The following CDC123 variants were observed in gnomAD, a reference collection of about 807,000 sequenced individuals.
CDC123 encodes translation initiation factor eIF2 assembly protein.
Under a neutral mutation model 54.4 loss-of-function variants are expected in CDC123, and 37 were observed. The ratio of observed to expected loss-of-function variants is 0.68; its 90% confidence interval spans 0.52 to 0.89. The LOEUF (loss-of-function observed/expected upper bound fraction) is 0.89, where lower values mean the gene tolerates loss of function less well. Ranked by LOEUF, CDC123 falls within the 40% of genes least tolerant of loss-of-function variation. CDC123 has a pLI of 0.00. For missense variants in CDC123, 361 were observed against 412.1 expected (o/e 0.88, Z 1.07); for synonymous variants, 144 against 136.8 (o/e 1.05, Z -0.37).
chr10:12,241,601 A>G (rs1836058245), intron 10 of CDC123, among the ~76,000 whole-genome samples: 1 of 152,176 alleles, frequency 6.6e-6, no homozygotes, highest in South Asian at 2.1e-4. Flanking sequence ...TGTTGCGTTT[A>G]CAGACTCTCA....
chr10:12,242,715 G>T lies in CDC123; in HGVS notation c.718-3434G>T, dbSNP rs184473492. On this transcript the variant is annotated intron_variant, in intron 10 of 12. Coordinates refer to ENST00000281141, the MANE Select transcript of CDC123 (RefSeq NM_006023.3). Reference sequence around the variant, plus strand: ...TCAGCACTTTAGGAGGCTGAGGCAGGCAGGTCACCTGAGATCAGGAGCTCA... The same window carrying T: ...TCAGCACTTTAGGAGGCTGAGGCAGTCAGGTCACCTGAGATCAGGAGCTCA... 3.1e-3 allele frequency among the ~76,000 whole-genome samples: 471 copies of T among 152,312 alleles called. 1 individual carries two copies. Among genetic ancestry groups the T allele is most frequent in the Non-Finnish European group, 4.6e-3 (313 of 68,030 alleles).
chr10:12,221,150 T>A (rs1269590806), intron 6 of CDC123, among the ~76,000 whole-genome samples: 18 of 150,650 alleles, frequency 1.2e-4, no homozygotes, highest in Non-Finnish European at 2.1e-4. Context: ...AAAAAAAAAA[T>A]GTTACAGTCA....
chr10:12,243,357 C>G (rs771244582), intron 10 of CDC123, among the ~76,000 whole-genome samples: 8 of 150,670 alleles, frequency 5.3e-5, no homozygotes, highest in Admixed American at 1.3e-4. Context: ...GAGATCTCAC[C>G]ATTGCACTCC....
intron 10 of CDC123, among the ~76,000 whole-genome samples, chr10:12,242,502 AAC>A (rs1340659556): frequency 6.6e-6 from 1 of 152,222 alleles, no homozygotes; most frequent in East Asian, 1.9e-4. Flanking sequence ...CCCAGTGCCT[AAC>A]ACAGTGTCTG....
At chr10:12,225,746 C>CTCT (rs1835803365) in intron 6 of CDC123, among the ~76,000 whole-genome samples, 1 of 66,928 alleles carries the variant, frequency 1.5e-5, no homozygotes, top group African/African-American at 7.1e-5. Flanking sequence ...TAGCTTCTCT[C>CTCT]TTTTTTTTTT....
intron 10 of CDC123, among the ~76,000 whole-genome samples, chr10:12,240,685 G>A (rs543613653): frequency 6.6e-6 from 1 of 152,304 alleles, no homozygotes; most frequent in South Asian, 2.1e-4. Context: ...ATCAGCCTGG[G>A]CTTAACATAA....
intron 1 of CDC123, 76 bp downstream of exon 1, chr10:12,196,395 A>G: frequency 6.3e-7 from 1 of 1,591,308 alleles, no homozygotes; most frequent in South Asian, 1.1e-5. Flanking sequence ...ACTGCTATCC[A>G]AAAAAATGCA....
intron 10 of CDC123, among the ~76,000 whole-genome samples, chr10:12,241,620 G>T (rs1356011502): frequency 6.6e-6 from 1 of 152,044 alleles, no homozygotes; most frequent in Non-Finnish European, 1.5e-5. Flanking sequence ...CATCCGGGTT[G>T]GTTGTTTCTT....
chr10:12,201,943 G>A (rs1835445899), intron 2 of CDC123, among the ~76,000 whole-genome samples: 1 of 152,178 alleles, frequency 6.6e-6, no homozygotes, highest in South Asian at 2.1e-4. Flanking sequence ...AATGTGTCAA[G>A]AATTCCTCTC....
chr10:12,246,311 C>A, intron 11 of CDC123, 34 bp downstream of exon 11: 1 of 1,609,798 alleles, frequency 6.2e-7, no homozygotes, highest in Non-Finnish European at 8.5e-7. Flanking sequence ...CAATGTAAAC[C>A]TTTCCAGTCT....
intron 2 of CDC123, among the ~76,000 whole-genome samples, chr10:12,204,646 T>C (rs1355487952): frequency 6.6e-6 from 1 of 152,166 alleles, no homozygotes; most frequent in Non-Finnish European, 1.5e-5. Flanking sequence ...ACAGTCTTTA[T>C]TTTTAGATGT....
chr10:12,226,165 A>G (rs567689636), intron 6 of CDC123, among the ~76,000 whole-genome samples: 1 of 152,308 alleles, frequency 6.6e-6, no homozygotes, highest in African/African-American at 2.4e-5. Context: ...ACTTCTTTCT[A>G]CACAGACACA....
intron 4 of CDC123, among the ~76,000 whole-genome samples, chr10:12,213,278 G>A (rs1273301941): frequency 2.0e-5 from 3 of 152,182 alleles, no homozygotes; most frequent in Non-Finnish European, 4.4e-5. Flanking sequence ...TGTCAGTGAT[G>A]GGACAGACCT....
chr10:12,230,085 A>T (rs541964234), intron 6 of CDC123, among the ~76,000 whole-genome samples: 2 of 152,168 alleles, frequency 1.3e-5, no homozygotes, highest in Non-Finnish European at 2.9e-5. Context: ...AATGGACATT[A>T]TGCTATCTCT....
intron 6 of CDC123, among the ~76,000 whole-genome samples, chr10:12,219,691 T>TTTG (rs993229945): frequency 0.022 from 6 of 270 alleles, no homozygotes; most frequent in Non-Finnish European, 0.1. Context: ...CTGATAATGG[T>TTTG]TTTTTTTTTT....
intron 10 of CDC123, among the ~76,000 whole-genome samples, chr10:12,240,587 G>C (rs1836043768): frequency 1.3e-5 from 2 of 152,200 alleles, no homozygotes; most frequent in South Asian, 4.1e-4. Flanking sequence ...AGAAAGAGGG[G>C]CTTTAGGCCA....
At chr10:12,204,419 T>C (rs1312937627) in intron 2 of CDC123, among the ~76,000 whole-genome samples, 1 of 152,244 alleles carries the variant, frequency 6.6e-6, no homozygotes, top group African/African-American at 2.4e-5. Flanking sequence ...TGTATAAAAT[T>C]ACCTTTGAGC....
intron 6 of CDC123, among the ~76,000 whole-genome samples, chr10:12,222,007 G>T (rs1489928534): frequency 6.6e-6 from 1 of 152,184 alleles, no homozygotes; most frequent in African/African-American, 2.4e-5. Flanking sequence ...GGTCCAGCAG[G>T]CCTGGAGGGG....
At chr10:12,221,128 G>A (rs1835730356) in intron 6 of CDC123, among the ~76,000 whole-genome samples, 1 of 151,300 alleles carries the variant, frequency 6.6e-6, no homozygotes, top group African/African-American at 2.4e-5. Context: ...CTATTTTGAG[G>A]CTTGACTTGA....
Sources: allele counts gnomAD v4.1 joint callset (sites outside exome capture counted in the v4.1 genomes callset), GRCh38; gene constraint gnomAD v4.1.1; transcripts MANE v1.5; gene names NCBI Gene and HGNC (gene_info 2026-07-23, HGNC 2026-07-21).